The following ZEB1 variants were observed in gnomAD, a reference collection of about 807,000 sequenced individuals.
ZEB1 encodes zinc finger E-box-binding homeobox 1.
Under a neutral mutation model 84.9 loss-of-function variants are expected in ZEB1, and 21 were observed. The ratio of observed to expected loss-of-function variants is 0.25; its 90% CI spans 0.18 to 0.36. The LOEUF (loss-of-function observed/expected upper bound fraction) is 0.36, where lower values mean the gene tolerates loss of function less well. ZEB1 is among the 10% of genes least tolerant of loss of function. The pLI is 1.00. For synonymous variants in ZEB1, 420 were observed against 471.1 expected, an observed-to-expected ratio of 0.89 and a Z score of 1.41; for missense variants, 1,104 against 1,330.2, an observed-to-expected ratio of 0.83 and a Z score of 2.65.
At chr10:31,487,788 A>T (rs2065936198) in intron 2 of ZEB1, among the ~76,000 whole-genome samples, 1 of 151,248 alleles carries the variant, frequency 6.6e-6, no homozygotes, top group South Asian at 2.1e-4. Context: ...AAATTGAGTA[A>T]CTTCCCTTCT....
chr10:31,364,266 C>T (rs1337515820), intron 1 of ZEB1, among the ~76,000 whole-genome samples: 2 of 152,158 alleles, frequency 1.3e-5, no homozygotes, highest in South Asian at 2.1e-4. Context: ...ACCCTTCCAC[C>T]GGTCCAGCTG....
intron 1 of ZEB1, among the ~76,000 whole-genome samples, chr10:31,382,089 T>A (rs1022535536): frequency 6.8e-6 from 1 of 147,230 alleles, no homozygotes; most frequent in South Asian, 2.2e-4. Flanking sequence ...TCAAGAGACA[T>A]GGCCTGGATC....
chr10:31,321,169 T>G, intron 1 of ZEB1: 23 of 1,051,230 alleles, frequency 2.2e-5, no homozygotes, highest in East Asian at 1.6e-4. Context: ...AAACGCGAGG[T>G]TTTGTAACCT....
At chr10:31,450,470 G>GT (rs1010940518) in intron 1 of ZEB1, among the ~76,000 whole-genome samples, 1 of 151,928 alleles carries the variant, frequency 6.6e-6, no homozygotes, top group Non-Finnish European at 1.5e-5. Flanking sequence ...ACTGCTAATA[G>GT]TTTTTTTATT....
chr10:31,466,269 C>A (rs1214587916), intron 2 of ZEB1, among the ~76,000 whole-genome samples: 1 of 152,162 alleles, frequency 6.6e-6, no homozygotes, highest in African/African-American at 2.4e-5. Context: ...ACAAAATGGA[C>A]CTGATATACA....
chr10:31,455,599 A>T, intron 1 of ZEB1, among the ~76,000 whole-genome samples: 1 of 151,798 alleles, frequency 6.6e-6, no homozygotes, highest in Non-Finnish European at 1.5e-5. Context: ...GTGGGCAAGG[A>T]TATGAACAGA....
In ZEB1 at chr10:31,524,217, T is replaced by C. The variant is rs1170922171; in HGVS notation, c.2785+104T>C. ...AATTTTCTTTCTTTTTTTTTTTTTTTATTTTGTTTTGAGACAAGGTCTGGC... is the reference window on the plus strand; with the variant it reads ...AATTTTCTTTCTTTTTTTTTTTTTTCATTTTGTTTTGAGACAAGGTCTGGC... On this transcript the variant is annotated intron_variant, in intron 8 of 8. Transcript: ENST00000424869. The C allele has an allele frequency of 4.8e-6, 6 of 1,242,282 alleles. No homozygotes were observed. In the South Asian group the frequency reaches 8.6e-5, roughly 18 times the overall value. 77.0% of individuals were successfully genotyped at this position (1,242,282 alleles called of 1,614,324 possible). A position where few individuals can be genotyped will look rare whatever the true frequency, so the allele number is the denominator to read the frequency against.
intron 1 of ZEB1, among the ~76,000 whole-genome samples, chr10:31,443,332 T>A (rs543450626): frequency 2.2e-4 from 34 of 152,120 alleles, no homozygotes; most frequent in Non-Finnish European, 3.5e-4. Flanking sequence ...TTTTTTTCTG[T>A]GTATAGTTAT....
chr10:31,336,216 T>TAA (rs769727972), intron 1 of ZEB1, among the ~76,000 whole-genome samples: 17 of 152,292 alleles, frequency 1.1e-4, no homozygotes, highest in Non-Finnish European at 2.2e-4. Context: ...TCCAAAAACT[T>TAA]ACATGGAAGA....
intron 1 of ZEB1, among the ~76,000 whole-genome samples, chr10:31,400,300 T>C (rs775701165): frequency 2.6e-5 from 4 of 152,180 alleles, no homozygotes; most frequent in Non-Finnish European, 5.9e-5. Flanking sequence ...AATTTAAAAA[T>C]AGCCAACACA....
At chr10:31,397,401 G>A (rs577554605) in intron 1 of ZEB1, among the ~76,000 whole-genome samples, 10 of 151,742 alleles carry the variant, frequency 6.6e-5, no homozygotes, top group East Asian at 3.9e-4. Context: ...TATCAATTCC[G>A]TGGCTTTCAG....
At chr10:31,335,964 A>G (rs537393448) in intron 1 of ZEB1, among the ~76,000 whole-genome samples, 1 of 152,328 alleles carries the variant, frequency 6.6e-6, no homozygotes, top group South Asian at 2.1e-4. Context: ...ATTAAGAGGT[A>G]GCATTATATC....
intron 4 of ZEB1, among the ~76,000 whole-genome samples, chr10:31,503,757 C>A (rs1048195308): frequency 3.3e-5 from 5 of 151,758 alleles, no homozygotes; most frequent in African/African-American, 1.2e-4. Context: ...AATAGCAATA[C>A]TAACTGGGAT....
chr10:31,459,759 T>C (rs2061611626), intron 1 of ZEB1, among the ~76,000 whole-genome samples: 1 of 151,808 alleles, frequency 6.6e-6, no homozygotes, highest in South Asian at 2.1e-4. Context: ...TTTTGGAGTT[T>C]TGGTTATTTG....
chr10:31,432,779 ATATT>A lies in ZEB1; in HGVS notation c.59-28253_59-28250del, dbSNP rs200954151. On this transcript the variant is annotated intron_variant, in intron 1 of 8. Transcript: ENST00000424869. ...AGCATTAAAAATAGAAAAATTTTAAATATTTATTCATTCTTAAAGTTACTACATG... is the reference window on the plus strand; with the variant it reads ...AGCATTAAAAATAGAAAAATTTTAAATATTCATTCTTAAAGTTACTACATG... 9.3e-3 allele frequency among the ~76,000 whole-genome samples: 1,418 copies of A among 152,286 alleles called. 22 individuals carry two copies. Among genetic ancestry groups the A allele is most frequent in the African/African-American group, 0.033 (1,357 of 41,548 alleles).
intron 1 of ZEB1, among the ~76,000 whole-genome samples, chr10:31,347,826 T>C (rs1211372856): frequency 6.6e-6 from 1 of 152,150 alleles, no homozygotes; most frequent in Non-Finnish European, 1.5e-5. Flanking sequence ...GTAGAATTAT[T>C]GGGCATACCC....
rs376151271 is a variant in ZEB1, at chr10:31,461,288, A to G, written c.259+51A>G. ...TTGTATTCTCATGATTCGTTTTTTA[A>G]AATATATATTAACTGAAAAGATAAA... On this transcript the variant is annotated intron_variant, in intron 2 of 8. Transcript: ENST00000424869. 4.3e-4 allele frequency: 652 copies of G among 1,508,394 alleles called. 5 individuals are homozygous for G. The South Asian group carries it at 7.5e-3, about 17-fold the overall frequency. 93.4% of individuals were successfully genotyped at this position (1,508,394 alleles called of 1,614,324 possible).
chr10:31,378,003 C>G (rs1215425841), intron 1 of ZEB1, among the ~76,000 whole-genome samples: 1 of 150,892 alleles, frequency 6.6e-6, no homozygotes, highest in Admixed American at 6.6e-5. Context: ...AAAACAAGCA[C>G]AATACATATA....
intron 1 of ZEB1, chr10:31,374,860 CACTT>C (rs2046317840): frequency 6.6e-6 from 1 of 151,726 alleles, no homozygotes; most frequent in Non-Finnish European, 1.5e-5. Context: ...GTGAGAATTT[CACTT>C]ACGGGAGAGT....
Sources: allele counts gnomAD v4.1 joint callset (sites outside exome capture counted in the v4.1 genomes callset), GRCh38; gene constraint gnomAD v4.1.1; transcripts MANE v1.5; gene names NCBI Gene and HGNC (gene_info 2026-07-23, HGNC 2026-07-21).